Variants in DLGAP1 observed in about 807,000 individuals in gnomAD.
The protein encoded by DLGAP1 is disks large-associated protein 1.
In DLGAP1, 11 loss-of-function variants were observed where a neutral mutation model predicts 90.8. That is an observed-to-expected ratio of 0.12 (90% CI 0.08 to 0.20). DLGAP1 has a LOEUF of 0.20. Ranked by LOEUF, DLGAP1 falls within the 10% of genes least tolerant of loss-of-function variation. DLGAP1 has a pLI of 1.00. For missense variants in DLGAP1, 1,050 were observed against 1,333.8 expected (o/e 0.79, Z 3.31); for synonymous variants, 558 against 540.7 (o/e 1.03, Z -0.44).
At chr18:4,445,720 A>C (rs990123718) in intron 1 of DLGAP1, among the ~76,000 whole-genome samples, 2 of 152,084 alleles carry the variant, frequency 1.3e-5, no homozygotes, top group Non-Finnish European at 2.9e-5. Flanking sequence ...AAAAGAGCTT[A>C]AAATCTCAGA....
chr18:3,879,535 A>G lies in DLGAP1; in HGVS notation c.534T>C (p.Tyr178=). 6.2e-7 allele frequency: 1 copy of G among 1,600,704 alleles called. No homozygotes were observed. Among genetic ancestry groups the G allele is most frequent in the Non-Finnish European group, 8.5e-7 (1 of 1,178,600 alleles). ...ASPDEAQAAR[Y]GKRSKSKERR... is the part of the protein sequence containing the mutation. Reference sequence around the variant, plus strand: ...GCTCCTTGCTCTTGCTGCGTTTGCCATAGCGCGCCGCCTGCGCCTCGTCAG... The same window carrying G: ...GCTCCTTGCTCTTGCTGCGTTTGCCGTAGCGCGCCGCCTGCGCCTCGTCAG... Residue 178 remains tyrosine, a synonymous_variant, in exon 4 of 13, where the codon TAT becomes TAC. Transcript: ENST00000315677. The surrounding 1 kb of genome is among the most constrained non-coding windows in gnomAD (Gnocchi z 6.6).
intron 2 of DLGAP1, among the ~76,000 whole-genome samples, chr18:4,051,289 C>G (rs950137139): frequency 2.6e-5 from 4 of 152,186 alleles, no homozygotes; most frequent in Admixed American, 6.5e-5. Context: ...TAAAGACATA[C>G]TCAAGACTGG....
At chr18:3,827,972 ATGCT>A (rs1191215160) in intron 4 of DLGAP1, among the ~76,000 whole-genome samples, 2 of 152,228 alleles carry the variant, frequency 1.3e-5, no homozygotes, top group Admixed American at 1.3e-4. Flanking sequence ...TACTTAATAG[ATGCT>A]TGCCAAATGA....
intron 1 of DLGAP1, among the ~76,000 whole-genome samples, chr18:4,184,590 G>T (rs892930481): frequency 6.6e-6 from 1 of 151,982 alleles, no homozygotes; most frequent in Non-Finnish European, 1.5e-5. Flanking sequence ...TCTAATCACC[G>T]ATAAGCCTAT....
At chr18:3,580,183 G>C in intron 8 of DLGAP1, 4 of 1,442,936 alleles carry the variant, frequency 2.8e-6, no homozygotes, top group Non-Finnish European at 3.9e-6. Context: ...ACCCTGATTT[G>C]AGCCAGACGT....
rs150616742 is a variant in DLGAP1, at chr18:4,390,616, T to C, written c.-267+64390A>G. Among the ~76,000 whole-genome samples, 387 of 152,306 alleles carry C rather than the reference T, an allele frequency of 2.5e-3. 2 individuals are homozygous for C. Among genetic ancestry groups the C allele is most frequent in the African/African-American group, 8.2e-3 (340 of 41,570 alleles). Reference sequence around the variant, plus strand: ...CTAGAACGTCATACAGTTGGAGTCATACAGTACATAGGCTTTTCAGATTAT... The same window carrying C: ...CTAGAACGTCATACAGTTGGAGTCACACAGTACATAGGCTTTTCAGATTAT... On this transcript the variant is annotated intron_variant, in intron 1 of 12. Coordinates refer to ENST00000315677, the MANE Select transcript of DLGAP1 (RefSeq NM_004746.4).
At chr18:3,772,891 T>G (rs1297476758) in intron 5 of DLGAP1, among the ~76,000 whole-genome samples, 1 of 152,106 alleles carries the variant, frequency 6.6e-6, no homozygotes, top group Non-Finnish European at 1.5e-5. Flanking sequence ...CCCCGATAAC[T>G]CCAGTGAACA....
intron 3 of DLGAP1, among the ~76,000 whole-genome samples, chr18:3,943,451 G>GTTTTTTT (rs11453774): frequency 1.5e-5 from 2 of 131,218 alleles, no homozygotes; most frequent in African/African-American, 2.8e-5. Flanking sequence ...GAAAGAGAGG[G>GTTTTTTT]TTTTTTTTTT....
intron 2 of DLGAP1, among the ~76,000 whole-genome samples, chr18:4,078,980 C>G (rs142023044): frequency 1.4e-4 from 21 of 152,186 alleles, no homozygotes; most frequent in African/African-American, 5.1e-4. Context: ...CAAATAGATA[C>G]TCTTGTTCAT....
chr18:3,840,724 T>C (rs950083766), intron 4 of DLGAP1, among the ~76,000 whole-genome samples: 2 of 152,354 alleles, frequency 1.3e-5, no homozygotes, highest in East Asian at 3.9e-4. Context: ...GTGCCAGGCA[T>C]TATTTTATGA....
At chr18:4,306,031 A>AAC (rs1334606065) in intron 1 of DLGAP1, among the ~76,000 whole-genome samples, 2 of 25,186 alleles carry the variant, frequency 7.9e-5, no homozygotes, top group African/African-American at 2.1e-4. Context: ...GACACACACA[A>AAC]ATACACACAC....
rs150353899 is a variant in DLGAP1, at chr18:3,612,849, T to C, written c.1592-30601A>G. Among the ~76,000 whole-genome samples the C allele has an allele frequency of 1.4e-4, 21 of 151,404 alleles. No individual in the cohort carries two copies. In the East Asian group the frequency reaches 2.9e-3, roughly 21 times the overall value. ...ATCACAATATTTTAGTCCATTTCCT[T>C]TTTTTTTTGAGACGGAGTTTTTGCT... On this transcript the variant is annotated intron_variant, in intron 7 of 12. Coordinates refer to ENST00000315677, the MANE Select transcript of DLGAP1 (RefSeq NM_004746.4).
chr18:3,743,977 T>A (rs1353675293), intron 5 of DLGAP1, among the ~76,000 whole-genome samples: 2 of 152,220 alleles, frequency 1.3e-5, no homozygotes, highest in African/African-American at 4.8e-5. Flanking sequence ...AAGTTTCTTT[T>A]CACATGGTAT....
chr18:3,851,703 C>A (rs1167299752), intron 4 of DLGAP1, among the ~76,000 whole-genome samples: 1 of 151,986 alleles, frequency 6.6e-6, no homozygotes, highest in Non-Finnish European at 1.5e-5. Context: ...TGAAGAAGAC[C>A]AGTCAGGAAT....
chr18:4,290,912 C>T (rs538481539), intron 1 of DLGAP1, among the ~76,000 whole-genome samples: 6 of 152,142 alleles, frequency 3.9e-5, no homozygotes, highest in African/African-American at 1.2e-4. Flanking sequence ...GAGTGCTCAG[C>T]GTGTTTTGAT....
intron 1 of DLGAP1, among the ~76,000 whole-genome samples, chr18:4,218,465 G>C (rs910384516): frequency 1.3e-5 from 2 of 151,540 alleles, no homozygotes; most frequent in African/African-American, 4.8e-5. Flanking sequence ...CTTTTTTTGT[G>C]ATGAAAACAT....
chr18:4,116,373 T>C (rs1327360973), intron 2 of DLGAP1, among the ~76,000 whole-genome samples: 2 of 152,210 alleles, frequency 1.3e-5, no homozygotes, highest in South Asian at 2.1e-4. Flanking sequence ...CTTGACTCTG[T>C]AGAAAAATGC....
intron 3 of DLGAP1, among the ~76,000 whole-genome samples, chr18:3,990,235 A>C (rs2073934641): frequency 6.6e-6 from 1 of 152,088 alleles, no homozygotes; most frequent in Non-Finnish European, 1.5e-5. Flanking sequence ...AACCAACCCA[A>C]ATGTCCAACA....
rs117645695 is a variant in DLGAP1 at position 4,262,071 on chromosome 18, C to T, written c.-266-110784G>A. Among the ~76,000 whole-genome samples the T allele has an allele frequency of 1.5e-3, 221 of 152,276 alleles. 1 individual carries two copies. The East Asian group carries it at 0.035, about 24-fold the overall frequency. On this transcript the variant is annotated intron_variant, in intron 1 of 12. Coordinates refer to ENST00000315677, the MANE Select transcript of DLGAP1 (RefSeq NM_004746.4). ...TTTCTAAGATTTCTTCCAATCCTAA[C>T]ATTCTATAGTCTCAACTACTTATTC... is the stretch of plus-strand genomic sequence containing the variant.
Sources: gnomAD v4.1 joint callset for allele counts (sites outside exome capture counted in the v4.1 genomes callset) on GRCh38, gnomAD v4.1.1 for gene constraint, Gnocchi (gnomAD v3.1) non-coding constraint, MANE v1.5 for transcripts, NCBI Gene and HGNC (gene_info 2026-07-23, HGNC 2026-07-21) for gene names.